ZNF148: variants seen among roughly 807,000 people sequenced by gnomAD.
ZNF148 encodes the protein Beta-Enolase Repressor Factor-1.
A neutral mutation model predicts 67.7 loss-of-function variants in ZNF148; 7 were observed. That is an observed-to-expected ratio of 0.10 (90% CI 0.06 to 0.19). ZNF148 has a LOEUF of 0.19. Among genes scored for constraint, ZNF148 ranks in the 10% least tolerant of loss-of-function variants. ZNF148 has a pLI of 1.00. For synonymous variants in ZNF148, 333 were observed against 330.7 expected (o/e 1.01, Z -0.08); for missense variants, 583 against 947.1 (o/e 0.62, Z 5.05).
chr3:125,290,083 T>C (rs1938924485), intron 4 of ZNF148, among the ~76,000 whole-genome samples: 1 of 152,150 alleles, frequency 6.6e-6, no homozygotes, highest in Non-Finnish European at 1.5e-5. Flanking sequence ...TTCTTCAGAT[T>C]TGACTAAACT....
chr3:125,317,383 T>C (rs1435746091), intron 3 of ZNF148, among the ~76,000 whole-genome samples: 1 of 152,068 alleles, frequency 6.6e-6, no homozygotes, highest in Admixed American at 6.5e-5. Flanking sequence ...GGATATACAG[T>C]ATACAACCTT....
At chr3:125,277,220 G>A (rs1464555319) in intron 7 of ZNF148, among the ~76,000 whole-genome samples, 7 of 152,048 alleles carry the variant, frequency 4.6e-5, no homozygotes, top group East Asian at 3.8e-4. Context: ...AGGTTTTTAC[G>A]GTATGTGTTC....
chr3:125,266,659 AG>A (rs1470575127), intron 7 of ZNF148, among the ~76,000 whole-genome samples: 1 of 152,170 alleles, frequency 6.6e-6, no homozygotes, highest in Non-Finnish European at 1.5e-5. Flanking sequence ...TCACACCTAA[AG>A]GAACTAGAAA....
chr3:125,344,533 T>G (rs1047370174), intron 1 of ZNF148: 2 of 1,107,764 alleles, frequency 1.8e-6, no homozygotes, highest in Admixed American at 3.4e-5. Flanking sequence ...GAAGCCAAAC[T>G]CAAATGGACT....
rs755162748 is a variant in ZNF148, at chr3:125,313,400, T to C, written c.241A>G (p.Met81Val). ...TTTTTCACTGTCTCCTCATGGACCA[T>C]GAGTTCATCATGTGATATCATATCC... ...QQDMISHDELMVHEETVKNDE... is the reference protein window; with the variant it reads ...QQDMISHDELVVHEETVKNDE... Residue 81 changes from methionine to valine, a missense_variant, in exon 4 of 9, where the codon ATG becomes GTG. This residue lies in a region of ZNF148 where 150 missense variants were observed against 202.5 expected (regional missense o/e 0.74). Coordinates refer to ENST00000360647, the MANE Select transcript of ZNF148 (RefSeq NM_021964.3). 1 of 1,614,196 alleles carries C rather than the reference T, an allele frequency of 6.2e-7. No homozygotes were observed.
intron 1 of ZNF148, among the ~76,000 whole-genome samples, chr3:125,336,897 G>A (rs1456591543): frequency 2.7e-5 from 4 of 150,594 alleles, no homozygotes; most frequent in Non-Finnish European, 5.9e-5. Context: ...GGATGTTCTC[G>A]ATCTCCTGAC....
At chr3:125,347,387 T>G (rs1264337029) in intron 1 of ZNF148, among the ~76,000 whole-genome samples, 4 of 152,084 alleles carry the variant, frequency 2.6e-5, no homozygotes, top group African/African-American at 9.7e-5. Context: ...AAAACGATCT[T>G]GAAAGAAAAG....
chr3:125,323,013 G>T (rs1236178160), intron 3 of ZNF148, among the ~76,000 whole-genome samples: 3 of 152,074 alleles, frequency 2.0e-5, no homozygotes, highest in African/African-American at 7.2e-5. Context: ...TTCAGGATAG[G>T]GGGTAAAAAA....
In ZNF148 at chr3:125,339,360, A is replaced by T. The variant is rs569524400; in HGVS notation, c.-233-8122T>A. On this transcript the variant is annotated intron_variant, in intron 1 of 8. Coordinates refer to ENST00000360647, the MANE Select transcript of ZNF148 (RefSeq NM_021964.3). The stretch of plus-strand genomic sequence containing the variant: ...AGTCTTTTTTTGAAAAATGTTTAAG[A>T]GTGCTAAAATGCAGTAACGTATTAC... Among the ~76,000 whole-genome samples the T allele has an allele frequency of 3.3e-5, 5 of 152,346 alleles. No homozygotes were observed. In the South Asian group the frequency reaches 8.3e-4, roughly 25 times the overall value.
At chr3:125,349,349 C>G (rs1942057450) in intron 1 of ZNF148, among the ~76,000 whole-genome samples, 1 of 152,134 alleles carries the variant, frequency 6.6e-6, no homozygotes, top group South Asian at 2.1e-4. Context: ...CTAAAATCCA[C>G]AATATACAAG....
intron 1 of ZNF148, among the ~76,000 whole-genome samples, chr3:125,349,182 G>A (rs1337423754): frequency 6.6e-6 from 1 of 152,146 alleles, no homozygotes; most frequent in Non-Finnish European, 1.5e-5. Context: ...TGATTTCTAG[G>A]ATTTGACACC....
chr3:125,290,089 A>G (rs1177427953), intron 4 of ZNF148, among the ~76,000 whole-genome samples: 2 of 152,142 alleles, frequency 1.3e-5, no homozygotes, highest in Non-Finnish European at 2.9e-5. Flanking sequence ...AGATTTGACT[A>G]AACTCAGACA....
intron 1 of ZNF148, among the ~76,000 whole-genome samples, chr3:125,333,219 A>C (rs778264577): frequency 3.0e-4 from 45 of 152,240 alleles, no homozygotes; most frequent in Admixed American, 2.0e-4. Context: ...GAAAGCACTA[A>C]ATTACTGCAG....
intron 1 of ZNF148, among the ~76,000 whole-genome samples, chr3:125,352,247 T>C (rs1368003802): frequency 6.6e-6 from 1 of 152,128 alleles, no homozygotes; most frequent in Non-Finnish European, 1.5e-5. Context: ...TGACACATGC[T>C]ACATCATGTA....
chr3:125,234,934 C>A (rs991327481), intron 7 of ZNF148, among the ~76,000 whole-genome samples: 3 of 152,062 alleles, frequency 2.0e-5, no homozygotes, highest in Non-Finnish European at 2.9e-5. Flanking sequence ...TAACACATAA[C>A]CCCCATTTTT....
intron 4 of ZNF148, among the ~76,000 whole-genome samples, chr3:125,294,579 T>A (rs1939187992): frequency 6.6e-6 from 1 of 152,242 alleles, no homozygotes; most frequent in African/African-American, 2.4e-5. Context: ...AGTTTGTGAT[T>A]CTGCCTCCTC....
intron 4 of ZNF148, among the ~76,000 whole-genome samples, chr3:125,309,032 T>C (rs1341422927): frequency 6.6e-6 from 1 of 152,106 alleles, no homozygotes; most frequent in Non-Finnish European, 1.5e-5. Context: ...GAGGTTCTCA[T>C]CAAGGACAAT....
rs559225137 is a variant in ZNF148, at chr3:125,230,444, A to C, written c.*1897T>G. On this transcript the variant is annotated 3_prime_UTR_variant, in exon 9 of 9. Coordinates refer to ENST00000360647, the MANE Select transcript of ZNF148 (RefSeq NM_021964.3). ...ATTCTTGAAAACTTTGGCAGCAAAGAAAGCTGTCAAACGGGAAAACTACTA... is the reference window on the plus strand; with the variant it reads ...ATTCTTGAAAACTTTGGCAGCAAAGCAAGCTGTCAAACGGGAAAACTACTA... The C allele has an allele frequency of 6.5e-6, 1 of 152,688 alleles. No homozygotes were observed. Among genetic ancestry groups the C allele is most frequent in the South Asian group, 2.1e-4 (1 of 4,830 alleles). 9.5% of individuals were successfully genotyped at this position (152,688 alleles called of 1,614,324 possible).
intron 7 of ZNF148, among the ~76,000 whole-genome samples, chr3:125,251,717 T>C (rs1262626346): frequency 3.9e-5 from 6 of 152,360 alleles, no homozygotes; most frequent in African/African-American, 1.2e-4. Context: ...TTGATGGAAA[T>C]CTGGGTTGTT....
Sources: allele counts gnomAD v4.1 joint callset (sites outside exome capture counted in the v4.1 genomes callset), GRCh38; gene constraint gnomAD v4.1.1; regional missense constraint gnomAD v4.1.1; transcripts MANE v1.5; gene names NCBI Gene and HGNC (gene_info 2026-07-23, HGNC 2026-07-21).